Variants in SEMA6A observed in about 807,000 individuals in gnomAD.
The protein encoded by SEMA6A is semaphorin-6A.
A neutral mutation model predicts 96.8 loss-of-function variants in SEMA6A; 25 were observed. The observed-to-expected ratio is 0.26, with a 90% CI of 0.19 to 0.36. The LOEUF (loss-of-function observed/expected upper bound fraction) is 0.36, where lower values mean the gene tolerates loss of function less well. Among genes scored for constraint, SEMA6A ranks in the 10% least tolerant of loss-of-function variants. The probability of loss-of-function intolerance (pLI) is 1.00; values close to 1 mark genes in which losing one functional copy is unlikely to be tolerated. For missense variants in SEMA6A, 1,363 were observed against 1,323.1 expected (o/e 1.03, Z -0.47); for synonymous variants, 612 against 518.0 (o/e 1.18, Z -2.46).
chr5:116,465,769 A>T (rs556341600), intron 18 of SEMA6A, among the ~76,000 whole-genome samples: 2 of 152,304 alleles, frequency 1.3e-5, no homozygotes, highest in Non-Finnish European at 2.9e-5. Flanking sequence ...ACTGCAACCA[A>T]CAGCTAGATA....
At chr5:116,495,203 G>C (rs1278596145) in intron 6 of SEMA6A, among the ~76,000 whole-genome samples, 1 of 152,136 alleles carries the variant, frequency 6.6e-6, no homozygotes, top group African/African-American at 2.4e-5. Flanking sequence ...TGCTAGGCAG[G>C]CTCTTTAAAG....
At chr5:116,457,141 T>C (rs1383298306) in intron 18 of SEMA6A, among the ~76,000 whole-genome samples, 2 of 152,182 alleles carry the variant, frequency 1.3e-5, no homozygotes, top group African/African-American at 4.8e-5. Context: ...CATTTTAAGT[T>C]ACATTAAATT....
At chr5:116,525,367 G>A (rs1489785793) in intron 1 of SEMA6A, among the ~76,000 whole-genome samples, 1 of 152,102 alleles carries the variant, frequency 6.6e-6, no homozygotes, top group East Asian at 1.9e-4. Context: ...AGGATAAAGA[G>A]CTCCTGGCCC....
intron 1 of SEMA6A, among the ~76,000 whole-genome samples, chr5:116,560,234 T>G (rs944180946): frequency 1.3e-5 from 2 of 152,238 alleles, no homozygotes; most frequent in East Asian, 3.8e-4. Flanking sequence ...ACTTTTGGCC[T>G]TCTTAGCATC....
intron 10 of SEMA6A, among the ~76,000 whole-genome samples, chr5:116,483,612 A>G (rs1756900401): frequency 6.6e-6 from 1 of 152,370 alleles, no homozygotes; most frequent in South Asian, 2.1e-4. Context: ...CTTTAATTTC[A>G]TAAGAAAATT....
intron 18 of SEMA6A, among the ~76,000 whole-genome samples, chr5:116,466,209 A>T (rs1008452589): frequency 5.3e-5 from 3 of 56,216 alleles, no homozygotes; most frequent in African/African-American, 1.1e-4. Context: ...TGTCACTACT[A>T]AAAAAAAAAA....
intron 1 of SEMA6A, among the ~76,000 whole-genome samples, chr5:116,550,903 G>A (rs1280750738): frequency 2.0e-5 from 3 of 152,118 alleles, no homozygotes; most frequent in Admixed American, 1.3e-4. Context: ...TTTGTCTTGG[G>A]CAACCCAGTA....
chr5:116,492,899 G>GT (rs1429737147), intron 6 of SEMA6A, among the ~76,000 whole-genome samples: 1 of 152,140 alleles, frequency 6.6e-6, no homozygotes, highest in Admixed American at 6.6e-5. Flanking sequence ...AGAAGCTGTC[G>GT]TTTTCCCTGC....
At chr5:116,476,646 T>G (rs1756466132) in intron 15 of SEMA6A, among the ~76,000 whole-genome samples, 1 of 152,210 alleles carries the variant, frequency 6.6e-6, no homozygotes, top group Admixed American at 6.5e-5. Context: ...GTTCTTATAT[T>G]GACTTAACAA....
chr5:116,490,652 T>C (rs943690580), intron 7 of SEMA6A, among the ~76,000 whole-genome samples: 3 of 152,148 alleles, frequency 2.0e-5, no homozygotes, highest in South Asian at 2.1e-4. Flanking sequence ...CCTTCTTAAC[T>C]TGACAATCTA....
intron 13 of SEMA6A, 85 bp downstream of exon 13, chr5:116,478,457 C>A (rs2112688006): frequency 7.4e-7 from 1 of 1,350,400 alleles, no homozygotes; most frequent in Non-Finnish European, 9.9e-7. Flanking sequence ...CATAAAACCT[C>A]AGTCGGTCAT....
intron 7 of SEMA6A, among the ~76,000 whole-genome samples, chr5:116,490,425 C>T (rs1757275827): frequency 6.6e-6 from 1 of 152,100 alleles, no homozygotes; most frequent in South Asian, 2.1e-4. Context: ...TAAATTCTCC[C>T]CTGCAGCCCA....
At chr5:116,497,937 A>G (rs1037107856) in intron 3 of SEMA6A, among the ~76,000 whole-genome samples, 8 of 152,248 alleles carry the variant, frequency 5.3e-5, no homozygotes, top group Admixed American at 2.0e-4. Context: ...CTTTTCCCTC[A>G]TAATGATGGT....
intron 2 of SEMA6A, among the ~76,000 whole-genome samples, chr5:116,503,782 T>C (rs1265392305): frequency 6.6e-6 from 1 of 152,140 alleles, no homozygotes; most frequent in African/African-American, 2.4e-5. Context: ...CCCAAAGTGC[T>C]GGGATTACAG....
At chr5:116,497,239 A>G (rs1211959997) in intron 4 of SEMA6A, 88 bp downstream of exon 4, 4 of 760,542 alleles carry the variant, frequency 5.3e-6, no homozygotes, top group Non-Finnish European at 8.6e-6. Flanking sequence ...GATTAGCTAC[A>G]TCATCTTAAT....
intron 18 of SEMA6A, 125 bp downstream of exon 18, chr5:116,467,458 C>G (rs1268745598): frequency 3.3e-6 from 3 of 920,796 alleles, no homozygotes; most frequent in Non-Finnish European, 4.7e-6. Flanking sequence ...TTTCGAGAAA[C>G]TTTCAATCAT....
Position 116,447,299 on chromosome 5 carries a change from G to A in SEMA6A, c.2407C>T (p.Leu803=), listed in dbSNP as rs1754285748. Residue 803 remains leucine (L), a synonymous_variant, in exon 19 of 19, where the codon CTG becomes TTG. Coordinates refer to ENST00000343348, the MANE Select transcript of SEMA6A (RefSeq NM_020796.5). Reference sequence around the variant, plus strand: ...TGGCTGGGGGAGGCCCGCAGGGGCAGGTCCGTGGGAATCACAGGGGAGCCC... The same window carrying A: ...TGGCTGGGGGAGGCCCGCAGGGGCAAGTCCGTGGGAATCACAGGGGAGCCC... ...PMGSPVIPTD[L]PLRASPSHIP... 3 of 1,613,686 alleles carry A rather than the reference G, an allele frequency of 1.9e-6. No homozygotes were observed. In the African/African-American group the frequency reaches 4.0e-5, roughly 22 times the overall value.
intron 18 of SEMA6A, among the ~76,000 whole-genome samples, chr5:116,462,771 A>C (rs556434954): frequency 6.6e-6 from 1 of 152,160 alleles, no homozygotes; most frequent in African/African-American, 2.4e-5. Flanking sequence ...TAATAGTTTA[A>C]TCTTCCCTGG....
intron 1 of SEMA6A, among the ~76,000 whole-genome samples, chr5:116,567,415 C>A (rs1761061463): frequency 6.6e-6 from 1 of 152,304 alleles, no homozygotes; most frequent in Middle Eastern, 3.4e-3. Context: ...AAAGTACTAT[C>A]TGCTTTTTCA....
Sources: allele counts gnomAD v4.1 joint callset (sites outside exome capture counted in the v4.1 genomes callset), GRCh38; gene constraint gnomAD v4.1.1; transcripts MANE v1.5; gene names NCBI Gene and HGNC (gene_info 2026-07-23, HGNC 2026-07-21).